The following NFYC variants were observed in gnomAD, a reference collection of about 807,000 sequenced individuals.
NFYC encodes the protein nuclear transcription factor Y subunit gamma.
Under a neutral mutation model 53.1 loss-of-function variants are expected in NFYC, and 25 were observed. That is an observed-to-expected ratio of 0.47 (90% confidence interval 0.34 to 0.66). The LOEUF (loss-of-function observed/expected upper bound fraction) is 0.66, where lower values mean the gene tolerates loss of function less well. Among genes scored for constraint, NFYC ranks in the 30% least tolerant of loss-of-function variants. NFYC has a pLI of 0.01. For missense variants in NFYC, 260 were observed against 422.7 expected (o/e 0.62, Z 3.38); for synonymous variants, 145 against 152.6 (o/e 0.95, Z 0.37).
chr1:40,767,070 A>G, intron 8 of NFYC: 1 of 1,178,486 alleles, frequency 8.5e-7, no homozygotes, highest in Non-Finnish European at 1.2e-6. Flanking sequence ...GTGTTCTGGC[A>G]CCTCCTGTGC....
At chr1:40,769,162 T>G (rs1444861247) in intron 8 of NFYC, 194 bp from the exon 9 acceptor site, 1 of 602,060 alleles carries the variant, frequency 1.7e-6, no homozygotes, top group Non-Finnish European at 3.1e-6. Flanking sequence ...GATGTCACTT[T>G]GTGCTGCCAA....
chr1:40,755,662 A>C (rs1393569025), intron 5 of NFYC, among the ~76,000 whole-genome samples: 1 of 152,224 alleles, frequency 6.6e-6, no homozygotes, highest in East Asian at 1.9e-4. Flanking sequence ...TTCATAATGC[A>C]GAAGAGCCTT....
chr1:40,754,546 CACA>C (rs1646104679), intron 5 of NFYC: 3 of 414,690 alleles, frequency 7.2e-6, no homozygotes, highest in South Asian at 5.4e-5. Context: ...TCTCAGAAGT[CACA>C]ACAAGAACTC....
In NFYC at chr1:40,733,019, C is replaced by CTT. The variant is rs11446084; in HGVS notation, c.-8-5806_-8-5805dup. Among the ~76,000 whole-genome samples the CTT allele has an allele frequency of 6.7e-4, 69 of 103,166 alleles. 1 individual carries two copies. Among genetic ancestry groups the CTT allele is most frequent in the South Asian group, 3.3e-3 (9 of 2,724 alleles). The allele number at this position is 103,166 out of a possible 152,430, so 67.7% of individuals were successfully genotyped here. ...GCTTTCCAAGATTCGCCCCCCCCCC[C>CTT]TTTTTTTTTTTTCCTGAAAGGCCAT... On this transcript the variant is annotated intron_variant, in intron 1 of 9. Transcript: ENST00000447388.
intron 1 of NFYC, among the ~76,000 whole-genome samples, chr1:40,715,841 T>C (rs571826485): frequency 9.2e-5 from 14 of 152,352 alleles, no homozygotes; most frequent in African/African-American, 3.1e-4. Flanking sequence ...TGTTTAACTT[T>C]AAAGTGGCAT....
intron 1 of NFYC, 47 bp downstream of exon 1, chr1:40,691,914 G>T (rs1460182912): frequency 2.9e-6 from 1 of 343,178 alleles, no homozygotes; most frequent in Non-Finnish European, 5.8e-6. Flanking sequence ...TAGGGAAGCG[G>T]CGGCGGGGGG....
At chr1:40,696,225 G>C (rs1465242103) in intron 1 of NFYC, among the ~76,000 whole-genome samples, 1 of 151,862 alleles carries the variant, frequency 6.6e-6, no homozygotes, top group Non-Finnish European at 1.5e-5. Flanking sequence ...GGGTTTCACT[G>C]TGTTGGCCAG....
rs756674328 is a variant in NFYC, at chr1:40,771,021, TTTTTTTCCA to T, written c.*200_*208del. 1.7e-5 allele frequency: 10 copies of T among 593,238 alleles called. No homozygotes were observed. Among genetic ancestry groups the T allele is most frequent in the Non-Finnish European group, 3.0e-5 (10 of 336,974 alleles). 36.7% of individuals were successfully genotyped at this position (593,238 alleles called of 1,614,324 possible). ...GAAAGATGCAATATTTTTTGTTTCC[TTTTTTTCCA>T]TTTTTTTCTCTAAGGAATCAATATT... On this transcript the variant is annotated 3_prime_UTR_variant, in exon 10 of 10. Transcript: ENST00000447388.
At chr1:40,710,453 TGTAG>T (rs1643894302) in intron 1 of NFYC, among the ~76,000 whole-genome samples, 2 of 152,230 alleles carry the variant, frequency 1.3e-5, no homozygotes. Flanking sequence ...ATAAAGCTAA[TGTAG>T]GTTGCTAATC....
At chr1:40,705,899 C>T (rs1557743311) in intron 1 of NFYC, among the ~76,000 whole-genome samples, 1 of 152,062 alleles carries the variant, frequency 6.6e-6, no homozygotes, top group Non-Finnish European at 1.5e-5. Flanking sequence ...GCGTGTGCCA[C>T]CACACCTAGC....
rs57102599 is a variant in NFYC at position 40,703,480 on chromosome 1, T to TAAAAAAA, written c.-9+11621_-9+11627dup. ...GTACTCCAGCCTGGGCAATTAGCCC[T>TAAAAAAA]AAAAAAAAAAAAAAGAATATGAAGC... On this transcript the variant is annotated intron_variant, in intron 1 of 9. Transcript: ENST00000447388. Among the ~76,000 whole-genome samples, 26 of 97,750 alleles carry TAAAAAAA rather than the reference T, an allele frequency of 2.7e-4. 1 individual carries two copies. Among genetic ancestry groups the TAAAAAAA allele is most frequent in the East Asian group, 1.6e-3 (6 of 3,810 alleles). 64.1% of individuals were successfully genotyped at this position (97,750 alleles called of 152,430 possible). A position where few individuals can be genotyped will look rare whatever the true frequency, so the allele number is the denominator to read the frequency against.
chr1:40,753,290 TTTGTA>T, intron 5 of NFYC, 44 bp downstream of exon 5: 1 of 1,333,606 alleles, frequency 7.5e-7, no homozygotes, highest in South Asian at 1.2e-5. Flanking sequence ...TGAAGAGCGC[TTTGTA>T]TACTGGTGTC....
intron 6 of NFYC, 68 bp downstream of exon 6, chr1:40,758,362 T>C (rs1646345090): frequency 5.4e-6 from 8 of 1,483,470 alleles, no homozygotes; most frequent in Non-Finnish European, 7.2e-6. Flanking sequence ...TGGGCAGAGC[T>C]TGATGAGGGC....
intron 1 of NFYC, 142 bp from the exon 2 acceptor site, chr1:40,738,694 T>A: frequency 1.7e-6 from 1 of 605,198 alleles, no homozygotes; most frequent in Non-Finnish European, 2.8e-6. Context: ...TGTTAAAATC[T>A]TTTTAGCGTA....
intron 2 of NFYC, among the ~76,000 whole-genome samples, chr1:40,745,325 T>A (rs1309269378): frequency 1.3e-5 from 2 of 152,188 alleles, no homozygotes; most frequent in Non-Finnish European, 2.9e-5. Flanking sequence ...TGTATGATCA[T>A]CTTGTGCTGT....
intron 1 of NFYC, among the ~76,000 whole-genome samples, chr1:40,716,738 A>G (rs12034952): frequency 0.31 from 47,498 of 151,978 alleles, 8,102 homozygotes; most frequent in East Asian, 0.41. Flanking sequence ...AACATTGGCT[A>G]TCATCATCAT....
intron 1 of NFYC, among the ~76,000 whole-genome samples, chr1:40,694,562 C>A (rs1038278965): frequency 1.3e-5 from 2 of 152,128 alleles, no homozygotes; most frequent in Admixed American, 6.5e-5. Context: ...TCAAGTTAAC[C>A]AAATATGAAG....
Position 40,770,295 on chromosome 1 carries a change from G to C in NFYC, c.889-414G>C. 9.1e-7 allele frequency: 1 copy of C among 1,104,328 alleles called. No individual in the cohort carries two copies. The highest frequency in any genetic ancestry group is 1.6e-5 in the African/African-American group (1 of 63,570). 68.4% of individuals were successfully genotyped at this position (1,104,328 alleles called of 1,614,324 possible). A position where few individuals can be genotyped will look rare whatever the true frequency, so the allele number is the denominator to read the frequency against. ...TTCTGAGAAAAGAAGGAGAGGAGGG[G>C]GTAATCCTACTGCCCCTGCCAGTGT... On this transcript the variant is annotated intron_variant, in intron 9 of 9. Transcript: ENST00000447388. This position sits in a 1 kb window ranked among gnomAD's most constrained non-coding sequence, Gnocchi z 5.3.
At chr1:40,745,422 A>G (rs906493384) in intron 2 of NFYC, among the ~76,000 whole-genome samples, 8 of 152,162 alleles carry the variant, frequency 5.3e-5, no homozygotes, top group Non-Finnish European at 7.4e-5. Flanking sequence ...ATCTTCTGTG[A>G]TATGCCACAC....
Sources: gnomAD v4.1 joint callset for allele counts (sites outside exome capture counted in the v4.1 genomes callset) on GRCh38, gnomAD v4.1.1 for gene constraint, Gnocchi (gnomAD v3.1) non-coding constraint, MANE v1.5 for transcripts, NCBI Gene and HGNC (gene_info 2026-07-23, HGNC 2026-07-21) for gene names.